LDAH: variants seen among roughly 807,000 people sequenced by gnomAD.
LDAH encodes the protein lipid droplet associated hydrolase.
A neutral mutation model predicts 29.6 loss-of-function variants in LDAH; 26 were observed. That is an observed-to-expected ratio of 0.88 (90% confidence interval 0.64 to 1.22). The LOEUF (loss-of-function observed/expected upper bound fraction) is 1.22, where lower values mean the gene tolerates loss of function less well. Among genes scored for constraint, LDAH ranks in the 50% most tolerant of loss-of-function variants. The pLI is 0.00. For missense variants in LDAH, 344 were observed against 387.3 expected, an observed-to-expected ratio of 0.89 and a Z score of 0.94; for synonymous variants, 117 against 133.0, an observed-to-expected ratio of 0.88 and a Z score of 0.83.
At chr2:20,687,370 T>C (rs1558373861) in intron 6 of LDAH, among the ~76,000 whole-genome samples, 5 of 152,232 alleles carry the variant, frequency 3.3e-5, no homozygotes, top group Non-Finnish European at 1.5e-5. Flanking sequence ...CAGGAAAGTT[T>C]TGTGTACTAA....
intron 5 of LDAH, among the ~76,000 whole-genome samples, chr2:20,705,708 T>G (rs1263327805): frequency 6.6e-6 from 1 of 152,238 alleles, no homozygotes; most frequent in Non-Finnish European, 1.5e-5. Context: ...TAATTTTTCC[T>G]ACTATAAACA....
intron 5 of LDAH, among the ~76,000 whole-genome samples, chr2:20,705,499 C>T (rs910547892): frequency 6.6e-6 from 1 of 152,052 alleles, no homozygotes; most frequent in Admixed American, 6.6e-5. Context: ...TTTCTCCATC[C>T]CCTCTTTCTG....
chr2:20,818,136 A>C (rs909949609), intron 1 of LDAH, among the ~76,000 whole-genome samples: 1 of 152,114 alleles, frequency 6.6e-6, no homozygotes, highest in African/African-American at 2.4e-5. Flanking sequence ...GAATTGTATC[A>C]ATGTCAATTT....
intron 4 of LDAH, among the ~76,000 whole-genome samples, chr2:20,754,010 G>C (rs913696031): frequency 6.6e-6 from 1 of 152,098 alleles, no homozygotes; most frequent in Non-Finnish European, 1.5e-5. Flanking sequence ...GCTTATAAAA[G>C]AATATTGAGT....
chr2:20,778,790 C>T (rs998131038), intron 3 of LDAH, among the ~76,000 whole-genome samples: 2 of 152,148 alleles, frequency 1.3e-5, no homozygotes, highest in East Asian at 1.9e-4. Context: ...TGTACCTTTT[C>T]CCACTCTACC....
Position 20,684,758 on chromosome 2 carries a change from ACT to A in LDAH, c.*2143_*2144del, listed in dbSNP as rs1662443259. On this transcript the variant is annotated 3_prime_UTR_variant, in exon 7 of 7. Coordinates refer to ENST00000237822, the MANE Select transcript of LDAH (RefSeq NM_021925.4). Reference sequence around the variant, plus strand: ...AAGCTCAATCGCTGAGCACTCGGTAACTCTGCAGGAAGTTAAAACTTTCACAA... The same window carrying A: ...AAGCTCAATCGCTGAGCACTCGGTAACTGCAGGAAGTTAAAACTTTCACAA... 3.7e-6 allele frequency: 4 copies of A among 1,082,164 alleles called. No individual in the cohort carries two copies. The highest frequency in any genetic ancestry group is 5.2e-6 in the Non-Finnish European group (4 of 763,596). 67.0% of individuals were successfully genotyped at this position (1,082,164 alleles called of 1,614,324 possible). A position where few individuals can be genotyped will look rare whatever the true frequency, so the allele number is the denominator to read the frequency against.
chr2:20,801,954 G>GTA (rs746398061), intron 1 of LDAH, among the ~76,000 whole-genome samples: 4,688 of 147,016 alleles, frequency 0.032, 88 homozygotes, highest in African/African-American at 0.04. Flanking sequence ...GTGTGTGTGT[G>GTA]TGTATGTGTG....
At chr2:20,786,512 G>A (rs1220831093) in intron 3 of LDAH, among the ~76,000 whole-genome samples, 1 of 152,050 alleles carries the variant, frequency 6.6e-6, no homozygotes, top group African/African-American at 2.4e-5. Flanking sequence ...AATGTTTTCT[G>A]TAGCTATAGG....
intron 4 of LDAH, among the ~76,000 whole-genome samples, chr2:20,772,254 CA>C (rs1379770610): frequency 6.6e-6 from 1 of 152,198 alleles, no homozygotes; most frequent in Non-Finnish European, 1.5e-5. Context: ...TGATGGGCTC[CA>C]AAATGAATAT....
At chr2:20,754,051 A>T (rs1464798014) in intron 4 of LDAH, among the ~76,000 whole-genome samples, 1 of 152,202 alleles carries the variant, frequency 6.6e-6, no homozygotes, top group Non-Finnish European at 1.5e-5. Flanking sequence ...AAAGTACTAC[A>T]GTTAGAAAAT....
chr2:20,685,115 T>A lies in LDAH; in HGVS notation c.*1788A>T. ...TGGTTTTCAGATGATAAATAGGAAT[T>A]AAGAATGAGTATCTTTCTTAGGCTC... On this transcript the variant is annotated 3_prime_UTR_variant, in exon 7 of 7. Transcript: ENST00000237822. 1 of 656,522 alleles carries A rather than the reference T, an allele frequency of 1.5e-6. No homozygotes were observed. Among genetic ancestry groups the A allele is most frequent in the Non-Finnish European group, 2.3e-6 (1 of 427,410 alleles). The allele number at this position is 656,522 out of a possible 1,614,324, so 40.7% of individuals were successfully genotyped here.
At chr2:20,771,333 T>C (rs1669398276) in intron 4 of LDAH, among the ~76,000 whole-genome samples, 3 of 152,150 alleles carry the variant, frequency 2.0e-5, no homozygotes, top group Admixed American at 6.5e-5. Context: ...GTCCTCAAAA[T>C]CTTACAAGAG....
intron 4 of LDAH, among the ~76,000 whole-genome samples, chr2:20,747,472 C>T (rs539920987): frequency 6.6e-6 from 1 of 152,238 alleles, no homozygotes; most frequent in Admixed American, 6.5e-5. Context: ...CATGCAATGT[C>T]AACCAGACAG....
chr2:20,808,275 C>T (rs1446299594), intron 1 of LDAH, among the ~76,000 whole-genome samples: 1 of 152,132 alleles, frequency 6.6e-6, no homozygotes, highest in Non-Finnish European at 1.5e-5. Context: ...TGTAAAATTC[C>T]AATCCAAATC....
intron 5 of LDAH, among the ~76,000 whole-genome samples, chr2:20,726,387 T>G (rs955798778): frequency 6.6e-6 from 1 of 151,576 alleles, no homozygotes; most frequent in Non-Finnish European, 1.5e-5. Flanking sequence ...AAATTTAGGG[T>G]TGAGGACGAG....
intron 4 of LDAH, among the ~76,000 whole-genome samples, chr2:20,753,235 C>CT: frequency 6.6e-6 from 1 of 152,252 alleles, no homozygotes; most frequent in Middle Eastern, 3.4e-3. Flanking sequence ...ATTTTCTTAT[C>CT]TTTTTTAACA....
At chr2:20,723,560 T>A (rs921480593) in intron 5 of LDAH, among the ~76,000 whole-genome samples, 2 of 152,256 alleles carry the variant, frequency 1.3e-5, no homozygotes, top group African/African-American at 4.8e-5. Flanking sequence ...CCTTTATTCC[T>A]ACCCTTATTT....
At chr2:20,729,130 C>T (rs1278127609) in intron 5 of LDAH, among the ~76,000 whole-genome samples, 1 of 152,170 alleles carries the variant, frequency 6.6e-6, no homozygotes, top group East Asian at 1.9e-4. Flanking sequence ...TATGCCTAAA[C>T]TGTCTTGCTC....
chr2:20,775,532 T>C (rs1198757471), intron 3 of LDAH, among the ~76,000 whole-genome samples: 1 of 152,216 alleles, frequency 6.6e-6, no homozygotes, highest in African/African-American at 2.4e-5. Context: ...CTAATTTATA[T>C]TACTAATAGA....
Sources: allele counts gnomAD v4.1 joint callset (sites outside exome capture counted in the v4.1 genomes callset), GRCh38; gene constraint gnomAD v4.1.1; transcripts MANE v1.5; gene names NCBI Gene and HGNC (gene_info 2026-07-23, HGNC 2026-07-21).